The following NKAIN3 variants were observed in gnomAD, a reference collection of about 807,000 sequenced individuals.
The protein encoded by NKAIN3 is sodium/potassium transporting ATPase interacting 3.
NKAIN3 carries 25 observed loss-of-function variants against 30.2 expected under a neutral mutation model. The ratio of observed to expected loss-of-function variants is 0.83; its 90% CI spans 0.60 to 1.16. The LOEUF (loss-of-function observed/expected upper bound fraction) is 1.16. NKAIN3 is among the 50% of genes most tolerant of loss of function. The probability of loss-of-function intolerance (pLI) is 0.00; values close to 1 mark genes in which losing one functional copy is unlikely to be tolerated. For missense variants in NKAIN3, 225 were observed against 254.1 expected, an observed-to-expected ratio of 0.89 and a Z score of 0.78; for synonymous variants, 91 against 89.6, an observed-to-expected ratio of 1.02 and a Z score of -0.09.
At position 62,300,209 on chromosome 8, in the gene NKAIN3, C is replaced by T. The variant is rs977238673; in HGVS notation, c.54+51082C>T. Among the ~76,000 whole-genome samples the T allele has an allele frequency of 1.8e-4, 27 of 151,746 alleles. 1 individual carries two copies. Among genetic ancestry groups the T allele is most frequent in the East Asian group, 3.9e-4 (2 of 5,168 alleles). On this transcript the variant is annotated intron_variant, in intron 1 of 6. Transcript: ENST00000623646. ...GGGGAACCCTTCTAAGAGGTGGCCA[C>T]GGGATAACAATGAAAAAATATGTTC... is the stretch of plus-strand genomic sequence containing the variant.
intron 4 of NKAIN3, among the ~76,000 whole-genome samples, chr8:62,829,380 T>G (rs145351720): frequency 6.6e-6 from 1 of 152,054 alleles, no homozygotes; most frequent in East Asian, 1.9e-4. Context: ...ACTGAAAAGA[T>G]TAATTGAAAG....
chr8:62,682,422 G>A (rs569995701), intron 3 of NKAIN3, among the ~76,000 whole-genome samples: 2 of 152,176 alleles, frequency 1.3e-5, no homozygotes, highest in African/African-American at 2.4e-5. Flanking sequence ...ACAGGAAGAA[G>A]GAAGCCTCCA....
At chr8:62,937,202 A>G (rs999644063) in intron 5 of NKAIN3, among the ~76,000 whole-genome samples, 1 of 152,176 alleles carries the variant, frequency 6.6e-6, no homozygotes, top group Non-Finnish European at 1.5e-5. Context: ...TCCCACTCAG[A>G]TAGACAGAAC....
chr8:62,779,007 G>C (rs556298217), intron 4 of NKAIN3, among the ~76,000 whole-genome samples: 1 of 152,138 alleles, frequency 6.6e-6, no homozygotes, highest in South Asian at 2.1e-4. Context: ...ATGTCATGTG[G>C]GAGCTAGGGC....
At chr8:62,261,387 A>G (rs1377660319) in intron 1 of NKAIN3, among the ~76,000 whole-genome samples, 1 of 152,202 alleles carries the variant, frequency 6.6e-6, no homozygotes, top group Non-Finnish European at 1.5e-5. Flanking sequence ...ATGATTCAGA[A>G]CTGATAATGG....
intron 4 of NKAIN3, among the ~76,000 whole-genome samples, chr8:62,807,193 T>C (rs1181856164): frequency 6.6e-6 from 1 of 152,218 alleles, no homozygotes; most frequent in Non-Finnish European, 1.5e-5. Context: ...AAATACAACA[T>C]ATACCCTTGT....
At chr8:62,588,457 G>T (rs1306104024) in intron 2 of NKAIN3, among the ~76,000 whole-genome samples, 1 of 151,656 alleles carries the variant, frequency 6.6e-6, no homozygotes, top group Non-Finnish European at 1.5e-5. Flanking sequence ...ACAAATATAT[G>T]ATGGAACATT....
intron 1 of NKAIN3, among the ~76,000 whole-genome samples, chr8:62,554,021 C>T (rs775243808): frequency 3.3e-5 from 5 of 152,178 alleles, no homozygotes; most frequent in Admixed American, 1.3e-4. Flanking sequence ...CAACATACAG[C>T]GATGACTTGT....
intron 4 of NKAIN3, among the ~76,000 whole-genome samples, chr8:62,840,711 T>C (rs909554810): frequency 3.3e-5 from 5 of 152,154 alleles, no homozygotes; most frequent in African/African-American, 1.2e-4. Context: ...ACCTCTTCAG[T>C]TCCCAGTTTC....
intron 4 of NKAIN3, among the ~76,000 whole-genome samples, chr8:62,814,133 T>G (rs1818587417): frequency 6.6e-6 from 1 of 152,042 alleles, no homozygotes; most frequent in Non-Finnish European, 1.5e-5. Flanking sequence ...TTCTTTGGAT[T>G]GAATTTACGT....
chr8:62,282,055 G>A (rs1813216399), intron 1 of NKAIN3, among the ~76,000 whole-genome samples: 1 of 150,182 alleles, frequency 6.7e-6, no homozygotes, highest in African/African-American at 2.5e-5. Flanking sequence ...CGAGACATCT[G>A]TAACCAACAG....
At chr8:62,380,077 G>C (rs540891922) in intron 1 of NKAIN3, among the ~76,000 whole-genome samples, 4 of 152,206 alleles carry the variant, frequency 2.6e-5, no homozygotes, top group South Asian at 4.2e-4. Flanking sequence ...TTGGTAAAGG[G>C]GTTGGTAACT....
At chr8:62,711,593 TG>T (rs1226703867) in intron 3 of NKAIN3, among the ~76,000 whole-genome samples, 1 of 39,214 alleles carries the variant, frequency 2.6e-5, no homozygotes, top group Non-Finnish European at 6.9e-5. Context: ...AATTGTTTAT[TG>T]TTTTTTTCTT....
chr8:62,638,104 T>A (rs1327188537), intron 3 of NKAIN3, among the ~76,000 whole-genome samples: 13 of 152,090 alleles, frequency 8.5e-5, no homozygotes, highest in Admixed American at 8.5e-4. Context: ...CAACTATGAG[T>A]GTTCCTAGTA....
chr8:62,698,282 T>G (rs1814226798), intron 3 of NKAIN3, among the ~76,000 whole-genome samples: 2 of 152,168 alleles, frequency 1.3e-5, no homozygotes, highest in Non-Finnish European at 2.9e-5. Context: ...TAACAGACCT[T>G]CAAATCCTTG....
intron 1 of NKAIN3, among the ~76,000 whole-genome samples, chr8:62,371,517 T>C (rs964525250): frequency 6.6e-6 from 1 of 152,086 alleles, no homozygotes; most frequent in East Asian, 1.9e-4. Context: ...GCTTTTCTAC[T>C]GAATTCTGGG....
At chr8:62,597,762 T>G (rs1168259842) in intron 3 of NKAIN3, among the ~76,000 whole-genome samples, 1 of 152,010 alleles carries the variant, frequency 6.6e-6, no homozygotes, top group Non-Finnish European at 1.5e-5. Context: ...ATAGGAATTA[T>G]CTCTCTGCAA....
At chr8:62,552,450 G>T (rs1445662722) in intron 1 of NKAIN3, among the ~76,000 whole-genome samples, 1 of 152,158 alleles carries the variant, frequency 6.6e-6, no homozygotes, top group Non-Finnish European at 1.5e-5. Context: ...CAATCTCAAT[G>T]AACAATCTAT....
intron 1 of NKAIN3, among the ~76,000 whole-genome samples, chr8:62,411,300 A>T (rs893305022): frequency 1.3e-5 from 2 of 152,198 alleles, no homozygotes; most frequent in African/African-American, 4.8e-5. Context: ...AAGCAAAAAC[A>T]TGAGATCCTT....
Sources: gnomAD v4.1 joint callset for allele counts (sites outside exome capture counted in the v4.1 genomes callset) on GRCh38, gnomAD v4.1.1 for gene constraint, MANE v1.5 for transcripts, NCBI Gene and HGNC (gene_info 2026-07-23, HGNC 2026-07-21) for gene names.